RALGPS1: variants seen among roughly 807,000 people sequenced by gnomAD.
The protein encoded by RALGPS1 is ras-specific guanine nucleotide-releasing factor RalGPS1.
RALGPS1 carries 19 observed loss-of-function variants against 78.8 expected under a neutral mutation model. That is an observed-to-expected ratio of 0.24 (90% CI 0.17 to 0.35). RALGPS1 has a LOEUF of 0.35. Ranked by LOEUF, RALGPS1 falls within the 10% of genes least tolerant of loss-of-function variation. The pLI, the probability that RALGPS1 is intolerant of heterozygous loss-of-function variation, is 1.00. For synonymous variants in RALGPS1, 228 were observed against 256.3 expected, an observed-to-expected ratio of 0.89 and a Z score of 1.06; for missense variants, 454 against 688.3, an observed-to-expected ratio of 0.66 and a Z score of 3.81.
intron 10 of RALGPS1, among the ~76,000 whole-genome samples, chr9:127,170,317 A>G (rs905098053): frequency 2.0e-5 from 3 of 152,148 alleles, no homozygotes; most frequent in African/African-American, 7.2e-5. Context: ...AACCATCCAG[A>G]TGTCTGGGGT....
intron 5 of RALGPS1, among the ~76,000 whole-genome samples, chr9:127,036,038 A>T (rs1040919052): frequency 7.9e-5 from 12 of 152,166 alleles, no homozygotes; most frequent in African/African-American, 2.9e-4. Flanking sequence ...TGGGGCTCTG[A>T]TGTAATCTGC....
chr9:127,066,110 C>A (rs1234743356), intron 7 of RALGPS1, among the ~76,000 whole-genome samples: 1 of 152,166 alleles, frequency 6.6e-6, no homozygotes, highest in Non-Finnish European at 1.5e-5. Flanking sequence ...CATACAGGCA[C>A]TTGACAGGCT....
At chr9:127,110,341 G>A (rs1426704933) in intron 8 of RALGPS1, among the ~76,000 whole-genome samples, 5 of 152,130 alleles carry the variant, frequency 3.3e-5, no homozygotes, top group Admixed American at 6.5e-5. Flanking sequence ...TTTCCAGAGC[G>A]CCACCCTGCC....
At chr9:127,199,808 CAG>C (rs2061534646) in intron 14 of RALGPS1, among the ~76,000 whole-genome samples, 2 of 152,190 alleles carry the variant, frequency 1.3e-5, no homozygotes, top group African/African-American at 4.8e-5. Context: ...CGTGGCGACT[CAG>C]GGTTTGAGAG....
rs984882030 is a variant in RALGPS1, at chr9:127,221,393, A to G, written c.*2624A>G. 4.6e-5 allele frequency: 7 copies of G among 152,212 alleles called. No homozygotes were observed. The highest frequency in any genetic ancestry group is 3.3e-4 in the Admixed American group (5 of 15,276). The allele number at this position is 152,212 out of a possible 1,614,324, so 9.4% of individuals were successfully genotyped here. A position where few individuals can be genotyped will look rare whatever the true frequency, so the allele number is the denominator to read the frequency against. On this transcript the variant is annotated 3_prime_UTR_variant, in exon 19 of 19. Coordinates refer to ENST00000259351, the MANE Select transcript of RALGPS1 (RefSeq NM_014636.3). ...TTTTTTTAAGCAAATGGATCATGGCACCCCAAAATGAAAGTTATAGAAAGC... is the reference window on the plus strand; with the variant it reads ...TTTTTTTAAGCAAATGGATCATGGCGCCCCAAAATGAAAGTTATAGAAAGC...
At chr9:126,957,777 G>A (rs1295255897) in intron 1 of RALGPS1, among the ~76,000 whole-genome samples, 2 of 152,032 alleles carry the variant, frequency 1.3e-5, no homozygotes, top group South Asian at 2.1e-4. Context: ...GCCTCCAGGG[G>A]CTGTTTCCCT....
intron 8 of RALGPS1, among the ~76,000 whole-genome samples, chr9:127,083,042 G>A (rs928876919): frequency 6.6e-6 from 1 of 152,204 alleles, no homozygotes; most frequent in East Asian, 1.9e-4. Context: ...CAGCAGGAAG[G>A]GCTGGGGAAT....
intron 11 of RALGPS1, among the ~76,000 whole-genome samples, chr9:127,193,419 G>A (rs545547771): frequency 1.3e-5 from 2 of 152,250 alleles, no homozygotes; most frequent in South Asian, 2.1e-4. Flanking sequence ...TGGTGGGGGC[G>A]GATGAAGGAG....
intron 8 of RALGPS1, among the ~76,000 whole-genome samples, chr9:127,130,932 C>G (rs1194295094): frequency 6.6e-6 from 1 of 152,200 alleles, no homozygotes; most frequent in Admixed American, 6.5e-5. Flanking sequence ...ATTGAATTGG[C>G]TAGAAAGCTA....
chr9:127,135,219 G>A (rs933727095), intron 8 of RALGPS1, among the ~76,000 whole-genome samples: 1 of 152,200 alleles, frequency 6.6e-6, no homozygotes, highest in Non-Finnish European at 1.5e-5. Flanking sequence ...GCTGTTTCTA[G>A]TATAGAGATG....
At chr9:127,057,584 C>A (rs1274386086) in intron 7 of RALGPS1, among the ~76,000 whole-genome samples, 1 of 152,240 alleles carries the variant, frequency 6.6e-6, no homozygotes, top group Non-Finnish European at 1.5e-5. Flanking sequence ...ACTACCATAG[C>A]TGGCCTGGAA....
intron 1 of RALGPS1, chr9:126,915,620 G>C (rs958830660): frequency 6.5e-6 from 1 of 153,056 alleles, no homozygotes; most frequent in Non-Finnish European, 1.5e-5. Context: ...AGGGCCGTCC[G>C]GGCCTGCCTG....
At chr9:127,188,019 G>A (rs976189506) in intron 11 of RALGPS1, among the ~76,000 whole-genome samples, 3 of 147,192 alleles carry the variant, frequency 2.0e-5, no homozygotes, top group African/African-American at 7.5e-5. Context: ...ACTCTCTCCA[G>A]ATGGTTCTGA....
intron 1 of RALGPS1, among the ~76,000 whole-genome samples, chr9:126,925,337 A>AG (rs1387893342): frequency 6.6e-6 from 1 of 151,456 alleles, no homozygotes; most frequent in African/African-American, 2.4e-5. Flanking sequence ...ACTCAAGGTC[A>AG]GGAGTTCACG....
At chr9:127,034,645 C>T in intron 5 of RALGPS1, 131 bp downstream of exon 5, 2 of 748,514 alleles carry the variant, frequency 2.7e-6, no homozygotes, top group Non-Finnish European at 4.8e-6. Flanking sequence ...CATATGAGTC[C>T]CCCACCTTTA....
chr9:126,999,133 G>A (rs975562169), intron 4 of RALGPS1, among the ~76,000 whole-genome samples: 11 of 151,432 alleles, frequency 7.3e-5, no homozygotes, highest in East Asian at 3.9e-4. Context: ...AAACCTGCAC[G>A]TTGTGCACAT....
intron 8 of RALGPS1, among the ~76,000 whole-genome samples, chr9:127,072,938 G>A (rs1589316506): frequency 1.3e-5 from 2 of 152,076 alleles, no homozygotes. Flanking sequence ...TTTTTGCCAA[G>A]TGAAGACATT....
At chr9:126,931,654 A>G (rs1363096039) in intron 1 of RALGPS1, among the ~76,000 whole-genome samples, 1 of 152,182 alleles carries the variant, frequency 6.6e-6, no homozygotes, top group East Asian at 1.9e-4. Flanking sequence ...GGTTGGGTAC[A>G]GGATTTCTTT....
rs142302324 is a variant in RALGPS1, at chr9:126,948,787, C to G, written c.-65-13438C>G. On this transcript the variant is annotated intron_variant, in intron 1 of 18. Coordinates refer to ENST00000259351, the MANE Select transcript of RALGPS1 (RefSeq NM_014636.3). Reference sequence around the variant, plus strand: ...CAAGAAGACGCTTTTCCTGGCCCTTCTTTCCGTGCTTGCTCAATCTCCCAA... The same window carrying G: ...CAAGAAGACGCTTTTCCTGGCCCTTGTTTCCGTGCTTGCTCAATCTCCCAA... Among the ~76,000 whole-genome samples the G allele has an allele frequency of 3.7e-3, 565 of 151,812 alleles. 2 individuals are homozygous for G. Among genetic ancestry groups the G allele is most frequent in the African/African-American group, 0.013 (532 of 41,410 alleles).
Sources: gnomAD v4.1 joint callset for allele counts (sites outside exome capture counted in the v4.1 genomes callset) on GRCh38, gnomAD v4.1.1 for gene constraint, MANE v1.5 for transcripts, NCBI Gene and HGNC (gene_info 2026-07-23, HGNC 2026-07-21) for gene names.